HHIPL2: variants seen among roughly 807,000 people sequenced by gnomAD.
The protein encoded by HHIPL2 is HHIP-like protein 2.
HHIPL2 carries 61 observed loss-of-function variants against 61.0 expected under a neutral mutation model. That is an observed-to-expected ratio of 1.00 (90% CI 0.81 to 1.24). The LOEUF is 1.24. HHIPL2 is among the 50% of genes most tolerant of loss of function. HHIPL2 has a pLI of 0.00. For synonymous variants in HHIPL2, 343 were observed against 357.4 expected, an observed-to-expected ratio of 0.96 and a Z score of 0.45; for missense variants, 885 against 910.2, an observed-to-expected ratio of 0.97 and a Z score of 0.36.
chr1:222,526,024 TA>T (rs935386013), intron 7 of HHIPL2, among the ~76,000 whole-genome samples: 3 of 150,106 alleles, frequency 2.0e-5, no homozygotes, highest in Admixed American at 6.7e-5. Context: ...AAAATAAAAA[TA>T]AAAAAAAATC....
chr1:222,548,056 G>A lies in HHIPL2; in HGVS notation c.-12C>T, dbSNP rs909361486. 6.5e-7 allele frequency: 1 copy of A among 1,536,680 alleles called. No homozygotes were observed. ...GACGTTCTCAGCATTTTGGCCTTGG[G>A]AACACTCGGGCTGCTGTGTTTGCTC... is the stretch of plus-strand genomic sequence containing the variant. On this transcript the variant is annotated 5_prime_UTR_variant, in exon 1 of 9. Transcript: ENST00000343410.
At chr1:222,530,946 C>T (rs560568983) in intron 6 of HHIPL2, among the ~76,000 whole-genome samples, 5 of 152,048 alleles carry the variant, frequency 3.3e-5, no homozygotes, top group African/African-American at 1.2e-4. Context: ...ATTTAAAATT[C>T]GAAAACCTTA....
Position 222,544,039 on chromosome 1 carries a change from G to A in HHIPL2, c.472C>T (p.Gln158Ter). The A allele has an allele frequency of 1.2e-6, 2 of 1,614,196 alleles. No individual in the cohort carries two copies. Among genetic ancestry groups the A allele is most frequent in the Non-Finnish European group, 1.7e-6 (2 of 1,180,044 alleles). ...ISLLTNDRGL[Q>*]ESHGRDGTRF... is the part of the protein sequence containing the mutation. ...GTACCGTCCCTTCCATGAGACTCCT[G>A]GAGGCCGCGGTCATTGGTCAGCAGG... The change falls in exon 2 of 9, where the codon CAG (glutamine) becomes TAG (stop). Residue 158 changes from glutamine to a stop codon, truncating the protein, a stop_gained. Transcript: ENST00000343410. LOFTEE classifies it high-confidence loss of function.
At chr1:222,537,034 G>A (rs995037597) in intron 5 of HHIPL2, among the ~76,000 whole-genome samples, 1 of 151,934 alleles carries the variant, frequency 6.6e-6, no homozygotes, top group Non-Finnish European at 1.5e-5. Flanking sequence ...GCAAAACCTT[G>A]TTTCAAAAAA....
intron 8 of HHIPL2, 126 bp downstream of exon 8, chr1:222,523,486 C>T (rs1333166284): frequency 3.2e-5 from 26 of 805,786 alleles, no homozygotes; most frequent in East Asian, 7.4e-5. Flanking sequence ...GCAGAGGAGA[C>T]GTATAGACTT....
At chr1:222,535,091 AT>A (rs1003028751) in intron 5 of HHIPL2, among the ~76,000 whole-genome samples, 31 of 152,212 alleles carry the variant, frequency 2.0e-4, no homozygotes, top group African/African-American at 6.3e-4. Flanking sequence ...AGGAAAAAAA[AT>A]GATATATTAC....
At chr1:222,526,487 C>A (rs560152038) in intron 7 of HHIPL2, among the ~76,000 whole-genome samples, 62 of 152,002 alleles carry the variant, frequency 4.1e-4, no homozygotes, top group African/African-American at 1.4e-3. Context: ...AGGTGAATCA[C>A]CTGAGGTCGG....
chr1:222,538,195 G>GGGGTGTGTGTGT (rs1356240657), intron 5 of HHIPL2, among the ~76,000 whole-genome samples: 9 of 136,370 alleles, frequency 6.6e-5, no homozygotes, highest in African/African-American at 1.9e-4. Flanking sequence ...CTCTGGCTGG[G>GGGGTGTGTGTGT]GTGTGTGTGT....
chr1:222,523,541 G>T, intron 8 of HHIPL2, 71 bp downstream of exon 8: 1 of 1,393,116 alleles, frequency 7.2e-7, no homozygotes, highest in East Asian at 2.3e-5. Flanking sequence ...GGGAATTATA[G>T]CCTGCTTGCT....
At chr1:222,527,149 T>G in intron 6 of HHIPL2, 99 bp from the exon 7 acceptor site, 1 of 861,400 alleles carries the variant, frequency 1.2e-6, no homozygotes, top group Admixed American at 2.5e-5. Flanking sequence ...GTTATGGCCC[T>G]AAAATGCAGT....
intron 6 of HHIPL2, 41 bp from the exon 7 acceptor site, chr1:222,527,091 G>A (rs990594524): frequency 6.9e-7 from 1 of 1,454,360 alleles, no homozygotes; most frequent in Admixed American, 1.7e-5. Flanking sequence ...GGGACATCAG[G>A]CAGCACTGAG....
chr1:222,532,739 T>A lies in HHIPL2; in HGVS notation c.1578-628A>T, dbSNP rs1220791384. 2.0e-5 allele frequency among the ~76,000 whole-genome samples: 3 copies of A among 152,208 alleles called. No individual in the cohort carries two copies. In the East Asian group the frequency reaches 5.8e-4, roughly 29 times the overall value. On this transcript the variant is annotated intron_variant, in intron 5 of 8. Transcript: ENST00000343410. ...ATATCTCTAAGCTTCAGATTCCTCA[T>A]CCATAAAATGGGGAGTGATAACATA...
chr1:222,523,420 G>C (rs1270032146), intron 8 of HHIPL2, among the ~76,000 whole-genome samples, 192 bp downstream of exon 8: 1 of 152,162 alleles, frequency 6.6e-6, no homozygotes, highest in Non-Finnish European at 1.5e-5. Context: ...CGAATAACTA[G>C]AGGAAACCGG....
rs1275867089 is a variant in HHIPL2, at chr1:222,544,071, G to C, written c.440C>G (p.Ala147Gly). 3 of 1,614,050 alleles carry C rather than the reference G, an allele frequency of 1.9e-6. No individual in the cohort carries two copies. The highest frequency in any genetic ancestry group is 2.5e-6 in the Non-Finnish European group (3 of 1,180,048). The change falls in exon 2 of 9, where the codon GCC becomes GGC. Residue 147 changes from alanine (A) to glycine (G), a missense_variant. Physicochemically the swap from Ala to Gly is moderately conservative, Grantham distance 60. Coordinates refer to ENST00000343410, the MANE Select transcript of HHIPL2 (RefSeq NM_024746.4). ...CSAFHSNCHS[A>G]ISLLTNDRGL... is the part of the protein sequence containing the mutation. ...GCGGTCATTGGTCAGCAGGGAAATGGCTGAGTGACAGTTAGAATGGAAGGC... is the reference window on the plus strand; with the variant it reads ...GCGGTCATTGGTCAGCAGGGAAATGCCTGAGTGACAGTTAGAATGGAAGGC...
At chr1:222,526,035 C>T (rs1659056808) in intron 7 of HHIPL2, among the ~76,000 whole-genome samples, 1 of 151,810 alleles carries the variant, frequency 6.6e-6, no homozygotes, top group Non-Finnish European at 1.5e-5. Context: ...AAAAAAAAAT[C>T]CAGTGCACTG....
intron 1 of HHIPL2, among the ~76,000 whole-genome samples, chr1:222,545,007 A>G (rs910214020): frequency 5.3e-5 from 8 of 152,212 alleles, no homozygotes; most frequent in Non-Finnish European, 1.0e-4. Flanking sequence ...TTACACAAAC[A>G]TATAAGGACT....
At chr1:222,526,173 C>T (rs2102609186) in intron 7 of HHIPL2, among the ~76,000 whole-genome samples, 1 of 152,040 alleles carries the variant, frequency 6.6e-6, no homozygotes, top group East Asian at 1.9e-4. Flanking sequence ...GGTTGGTCAG[C>T]CTCTGAGACA....
rs1322260015 is a variant in HHIPL2 at position 222,547,939 on chromosome 1, C to T, written c.106G>A (p.Val36Met). The change falls in exon 1 of 9, where the codon GTG (valine) becomes ATG (methionine). Residue 36 changes from valine to methionine, a missense_variant. Val to Met is a conservative substitution (Grantham distance 21, BLOSUM62 1). Coordinates refer to ENST00000343410, the MANE Select transcript of HHIPL2 (RefSeq NM_024746.4). Reference protein sequence around the residue: ...CLCLIFLLGQVGLLQGHPQCL... With the variant: ...CLCLIFLLGQMGLLQGHPQCL... Reference sequence around the variant, plus strand: ...TGGGGGTGTCCCTGCAGCAAGCCCACCTGGCCCAACAAGAATATGAGGCAG... The same window carrying T: ...TGGGGGTGTCCCTGCAGCAAGCCCATCTGGCCCAACAAGAATATGAGGCAG... The T allele has an allele frequency of 2.5e-6, 4 of 1,612,878 alleles. No individual in the cohort carries two copies. The highest frequency in any genetic ancestry group is 3.4e-6 in the Non-Finnish European group (4 of 1,179,258).
At chr1:222,530,502 T>C (rs184687361) in intron 6 of HHIPL2, among the ~76,000 whole-genome samples, 10 of 152,346 alleles carry the variant, frequency 6.6e-5, no homozygotes, top group Non-Finnish European at 1.3e-4. Context: ...GTTAAAATAC[T>C]TGAAGTTTCC....
Sources: allele counts gnomAD v4.1 joint callset (sites outside exome capture counted in the v4.1 genomes callset), GRCh38; gene constraint gnomAD v4.1.1; transcripts MANE v1.5; gene names NCBI Gene and HGNC (gene_info 2026-07-23, HGNC 2026-07-21).